The following DCST1 variants were observed in gnomAD, a reference collection of about 807,000 sequenced individuals.
The protein encoded by DCST1 is DC-STAMP domain containing 1, also known as E3 ubiquitin-protein ligase DCST1.
DCST1 carries 78 observed loss-of-function variants against 89.1 expected under a neutral mutation model. That is an observed-to-expected ratio of 0.88 (90% CI 0.73 to 1.06). The LOEUF (loss-of-function observed/expected upper bound fraction) is 1.06. Ranked by LOEUF, DCST1 falls within the 50% of genes least tolerant of loss-of-function variation. The pLI, the probability that DCST1 is intolerant of heterozygous loss-of-function variation, is 0.00. For missense variants in DCST1, 900 were observed against 928.6 expected, an observed-to-expected ratio of 0.97 and a Z score of 0.40; for synonymous variants, 364 against 371.9, an observed-to-expected ratio of 0.98 and a Z score of 0.24.
At chr1:155,041,879 T>C (rs1660451322) in intron 8 of DCST1, 22 bp downstream of exon 8, 1 of 1,613,656 alleles carries the variant, frequency 6.2e-7, no homozygotes, top group African/African-American at 1.3e-5. Context: ...TGCAAAGGGG[T>C]GGGGAGCATC....
chr1:155,049,988 G>C (rs998659866), intron 16 of DCST1, among the ~76,000 whole-genome samples: 1 of 152,240 alleles, frequency 6.6e-6, no homozygotes. Flanking sequence ...GAGGGCTAAA[G>C]TAGGAAAGAG....
At chr1:155,048,845 G>T in intron 16 of DCST1, 1 of 548,628 alleles carries the variant, frequency 1.8e-6, no homozygotes, top group Admixed American at 3.2e-5. Context: ...CTGCAGACCA[G>T]AAGCTCAGTG....
At chr1:155,047,353 G>A (rs765561273) in intron 14 of DCST1, 41 bp downstream of exon 14, 3 of 1,553,804 alleles carry the variant, frequency 1.9e-6, no homozygotes, top group Non-Finnish European at 2.7e-6. Context: ...AATCGAGGGC[G>A]GTGGGGCAAG....
intron 13 of DCST1, 64 bp from the exon 14 acceptor site, chr1:155,047,132 C>A (rs1256757144): frequency 2.3e-6 from 3 of 1,294,316 alleles, no homozygotes; most frequent in Non-Finnish European, 3.4e-6. Flanking sequence ...TGACATCCAC[C>A]CCCTTAACAC....
intron 14 of DCST1, 35 bp from the exon 15 acceptor site, chr1:155,047,752 G>T: frequency 6.2e-7 from 1 of 1,605,652 alleles, no homozygotes; most frequent in Non-Finnish European, 8.5e-7. Flanking sequence ...CCCTTGGCTG[G>T]TCCTGACCAG....
Position 155,035,186 on chromosome 1 carries a change from G to A in DCST1, c.262+459G>A, listed in dbSNP as rs114620825. ...TATGTTTTTGTTTTCGTTTTGAGAC[G>A]GAGTCTCGCTCTGTTGCCCAGGCTG... On this transcript the variant is annotated intron_variant, in intron 4 of 16. Transcript: ENST00000295542. 589 of 188,324 alleles carry A rather than the reference G, an allele frequency of 3.1e-3. 2 individuals are homozygous for A. The highest frequency in any genetic ancestry group is 4.2e-3 in the Non-Finnish European group (379 of 89,680). The allele number at this position is 188,324 out of a possible 1,614,324, so 11.7% of individuals were successfully genotyped here.
At chr1:155,049,331 T>A (rs529966793) in intron 16 of DCST1, 22 of 416,922 alleles carry the variant, frequency 5.3e-5, no homozygotes, top group Non-Finnish European at 1.3e-5. Flanking sequence ...CCCTGGGCAG[T>A]GATCACATCT....
At chr1:155,046,016 G>A (rs779874202) in intron 11 of DCST1, 24 bp downstream of exon 11, 3 of 1,613,268 alleles carry the variant, frequency 1.9e-6, no homozygotes, top group Non-Finnish European at 2.5e-6. Flanking sequence ...GCACTGCCCG[G>A]GGATGCCTTG....
At chr1:155,048,291 T>G (rs1198352678) in intron 16 of DCST1, 121 bp downstream of exon 16, 1 of 761,754 alleles carries the variant, frequency 1.3e-6, no homozygotes, top group African/African-American at 1.8e-5. Context: ...TCGAGCCTGG[T>G]AAGTTCTTTT....
At position 155,050,877 on chromosome 1, in the gene DCST1, C is replaced by A. The variant is rs1235271278; in HGVS notation, c.*9C>A. On this transcript the variant is annotated 3_prime_UTR_variant, in exon 17 of 17. Transcript: ENST00000295542. ...CTGCCTACGCGGGGTGAAGAGGCGT[C>A]CTGCTCGCTCTTCCGCACCGTCCTT... 1 of 1,606,290 alleles carries A rather than the reference C, an allele frequency of 6.2e-7. No individual in the cohort carries two copies. Among genetic ancestry groups the A allele is most frequent in the African/African-American group, 1.3e-5 (1 of 74,912 alleles).
Position 155,046,151 on chromosome 1 carries a change from C to T in DCST1, c.1299C>T (p.Arg433=), listed in dbSNP as rs762632259. Residue 433 remains arginine, a synonymous_variant, in exon 12 of 17, where the codon CGC becomes CGT. Transcript: ENST00000295542. ...KLGKRTLLPL[R]KAEEKTVIFP... ...GCAAACGGACTCTGCTGCCACTCCGCAAAGCTGAGGAGAAAACCGTCATCT... is the reference window on the plus strand; with the variant it reads ...GCAAACGGACTCTGCTGCCACTCCGTAAAGCTGAGGAGAAAACCGTCATCT... The T allele has an allele frequency of 5.0e-6, 8 of 1,614,074 alleles. No individual in the cohort carries two copies. The Admixed American group carries it at 1.3e-4, about 27-fold the overall frequency.
intron 7 of DCST1, 33 bp from the exon 8 acceptor site, chr1:155,041,681 G>A: frequency 6.2e-7 from 1 of 1,614,130 alleles, no homozygotes; most frequent in Middle Eastern, 1.7e-4. Flanking sequence ...ATCAAGATGT[G>A]GGAACCTCAG....
chr1:155,042,655 C>A, intron 8 of DCST1, 80 bp from the exon 9 acceptor site: 1 of 1,596,426 alleles, frequency 6.3e-7, no homozygotes, highest in South Asian at 1.1e-5. Flanking sequence ...ATGAGGAGGA[C>A]TACAGGAGGA....
intron 6 of DCST1, among the ~76,000 whole-genome samples, 182 bp from the exon 7 acceptor site, chr1:155,041,203 AGCTGGTGGGGGG>A (rs1660426397): frequency 2.0e-5 from 3 of 152,146 alleles, no homozygotes; most frequent in Admixed American, 2.0e-4. Context: ...CAGACAAGGC[AGCTGGTGGGGGG>A]GCTCCCAAGG....
At chr1:155,038,119 A>G (rs916645556) in intron 4 of DCST1, among the ~76,000 whole-genome samples, 1 of 152,256 alleles carries the variant, frequency 6.6e-6, no homozygotes, top group African/African-American at 2.4e-5. Flanking sequence ...GGAGCCAGCC[A>G]TGTGAAGAAC....
chr1:155,040,654 G>A lies in DCST1; in HGVS notation c.531+30G>A, dbSNP rs80335602. 545 of 1,531,944 alleles carry A rather than the reference G, an allele frequency of 3.6e-4. 4 individuals carry two copies. The East Asian group carries it at 0.011, about 31-fold the overall frequency. The allele number at this position is 1,531,944 out of a possible 1,614,324, so 94.9% of individuals were successfully genotyped here. ...GGAATCTGCACAGGCAGAGCCTGGG[G>A]GGTCCCTCTCCCTGGGGCCAAGTTA... On this transcript the variant is annotated intron_variant, in intron 6 of 16. Coordinates refer to ENST00000295542, the MANE Select transcript of DCST1 (RefSeq NM_152494.4).
intron 14 of DCST1, 94 bp from the exon 15 acceptor site, chr1:155,047,693 G>A: frequency 8.7e-7 from 1 of 1,143,100 alleles, no homozygotes; most frequent in East Asian, 2.4e-5. Context: ...GGGAATCAGA[G>A]GACTGCACCT....
chr1:155,045,468 G>A (rs947106657), intron 10 of DCST1: 2 of 222,568 alleles, frequency 9.0e-6, no homozygotes, highest in Non-Finnish European at 1.8e-5. Context: ...AAAGCCAAGA[G>A]GCAGGAATTT....
intron 13 of DCST1, 60 bp downstream of exon 13, chr1:155,046,546 G>A (rs1558110510): frequency 1.3e-5 from 20 of 1,574,302 alleles, no homozygotes; most frequent in Admixed American, 1.0e-4. Context: ...GAACTCCAAT[G>A]CCTGCACAGC....
Sources: allele counts gnomAD v4.1 joint callset (sites outside exome capture counted in the v4.1 genomes callset), GRCh38; gene constraint gnomAD v4.1.1; transcripts MANE v1.5; gene names NCBI Gene and HGNC (gene_info 2026-07-23, HGNC 2026-07-21).